The following SGCZ variants were observed in gnomAD, a reference collection of about 807,000 sequenced individuals.
The protein encoded by SGCZ is sarcoglycan zeta, also known as zeta-sarcoglycan.
In SGCZ, 40 loss-of-function variants were observed where a neutral mutation model predicts 41.3. That is an observed-to-expected ratio of 0.97 (90% confidence interval 0.75 to 1.26). The LOEUF (loss-of-function observed/expected upper bound fraction) is 1.26. Among genes scored for constraint, SGCZ ranks in the 50% most tolerant of loss-of-function variants. The probability of loss-of-function intolerance (pLI) is 0.00; values close to 1 mark genes in which losing one functional copy is unlikely to be tolerated. For missense variants in SGCZ, 552 were observed against 369.8 expected (o/e 1.49, Z -4.04); for synonymous variants, 206 against 137.5 (o/e 1.50, Z -3.49).
intron 2 of SGCZ, among the ~76,000 whole-genome samples, chr8:14,335,182 T>C (rs906628599): frequency 6.6e-6 from 1 of 152,130 alleles, no homozygotes; most frequent in Non-Finnish European, 1.5e-5. Context: ...TGTGCTTTAT[T>C]GAGTTTATAA....
chr8:14,603,402 G>T (rs1805654166), intron 1 of SGCZ, among the ~76,000 whole-genome samples: 1 of 151,784 alleles, frequency 6.6e-6, no homozygotes, highest in Non-Finnish European at 1.5e-5. Flanking sequence ...GCTAGGATAT[G>T]GTTGTTATCT....
intron 1 of SGCZ, among the ~76,000 whole-genome samples, chr8:14,867,248 C>T (rs890135278): frequency 2.6e-5 from 4 of 152,178 alleles, no homozygotes; most frequent in East Asian, 1.9e-4. Context: ...ATAATGGTCT[C>T]GATCTCCATC....
At chr8:14,111,470 A>G (rs1802370104) in intron 5 of SGCZ, among the ~76,000 whole-genome samples, 1 of 152,206 alleles carries the variant, frequency 6.6e-6, no homozygotes, top group Non-Finnish European at 1.5e-5. Context: ...AGACATAAAA[A>G]GGACAAAAGG....
chr8:15,050,935 A>G (rs1804488913), intron 1 of SGCZ, among the ~76,000 whole-genome samples: 1 of 152,208 alleles, frequency 6.6e-6, no homozygotes, highest in Non-Finnish European at 1.5e-5. Flanking sequence ...TATATGGGAA[A>G]TACTTGCCTC....
rs914572473 is a variant in SGCZ at position 15,231,610 on chromosome 8, C to CTT, written c.39+5973_39+5974dup. 1.5e-3 allele frequency among the ~76,000 whole-genome samples: 111 copies of CTT among 72,116 alleles called. 8 individuals are homozygous for CTT. Among genetic ancestry groups the CTT allele is most frequent in the African/African-American group, 2.8e-3 (52 of 18,580 alleles). 47.3% of individuals were successfully genotyped at this position (72,116 alleles called of 152,430 possible). On this transcript the variant is annotated intron_variant, in intron 1 of 7. Transcript: ENST00000382080. Reference sequence around the variant, plus strand: ...TAAAAACTTTGGATGTTAATATATTCTTTTTTTTTTTTTTTTTTTTTTTTT... The same window carrying CTT: ...TAAAAACTTTGGATGTTAATATATTCTTTTTTTTTTTTTTTTTTTTTTTTTTT...
At chr8:14,704,999 A>G (rs1431955984) in intron 1 of SGCZ, among the ~76,000 whole-genome samples, 3 of 152,024 alleles carry the variant, frequency 2.0e-5, no homozygotes, top group East Asian at 3.9e-4. Context: ...ATTGACATTT[A>G]TTAGAAAATA....
chr8:14,233,462 G>T (rs1009808399), intron 4 of SGCZ, among the ~76,000 whole-genome samples: 79 of 150,778 alleles, frequency 5.2e-4, no homozygotes, highest in Non-Finnish European at 1.0e-4. Context: ...GATATTGTGG[G>T]AAACAGTATT....
At chr8:14,526,185 T>G (rs1802943496) in intron 2 of SGCZ, among the ~76,000 whole-genome samples, 1 of 152,158 alleles carries the variant, frequency 6.6e-6, no homozygotes, top group South Asian at 2.1e-4. Flanking sequence ...TAATTTCTCA[T>G]GCCTGAAGCC....
chr8:14,619,794 CA>C (rs1806224147), intron 1 of SGCZ, among the ~76,000 whole-genome samples: 1 of 152,064 alleles, frequency 6.6e-6, no homozygotes, highest in South Asian at 2.1e-4. Context: ...TAAAAGAGGA[CA>C]CAAACAAATG....
intron 1 of SGCZ, among the ~76,000 whole-genome samples, chr8:15,193,912 A>ACTACATCT (rs1410697444): frequency 1.3e-5 from 2 of 152,224 alleles, no homozygotes; most frequent in African/African-American, 4.8e-5. Flanking sequence ...CCTTCAAATC[A>ACTACATCT]CTACATCTCA....
Position 14,089,480 on chromosome 8 carries a change from G to A in SGCZ, c.*963C>T, listed in dbSNP as rs1333307685. 6.6e-6 allele frequency among the ~76,000 whole-genome samples: 1 copy of A among 151,978 alleles called. No individual in the cohort carries two copies. Among genetic ancestry groups the A allele is most frequent in the South Asian group, 2.1e-4 (1 of 4,820 alleles). The stretch of plus-strand genomic sequence containing the variant: ...TCATATTAGTATTATTTATTTAGAA[G>A]ATGTTTGAATTTTAGCAGTCAGAAT... On this transcript the variant is annotated 3_prime_UTR_variant, in exon 8 of 8. Coordinates refer to ENST00000382080, the MANE Select transcript of SGCZ (RefSeq NM_139167.4).
At chr8:14,723,042 T>C (rs1406405847) in intron 1 of SGCZ, among the ~76,000 whole-genome samples, 3 of 152,210 alleles carry the variant, frequency 2.0e-5, no homozygotes, top group Non-Finnish European at 2.9e-5. Context: ...TTTGTTTCTA[T>C]TGTTTATGTC....
intron 1 of SGCZ, among the ~76,000 whole-genome samples, chr8:14,795,530 C>A (rs956606868): frequency 6.6e-6 from 1 of 152,082 alleles, no homozygotes; most frequent in Admixed American, 6.5e-5. Context: ...GCAGCCTCCA[C>A]CTCCTAGACA....
intron 1 of SGCZ, among the ~76,000 whole-genome samples, chr8:15,154,016 G>C (rs545466903): frequency 6.6e-6 from 1 of 152,158 alleles, no homozygotes; most frequent in African/African-American, 2.4e-5. Flanking sequence ...GTTCACGATA[G>C]AGTTTGTGCT....
chr8:14,801,998 T>C (rs1801335480), intron 1 of SGCZ, among the ~76,000 whole-genome samples: 1 of 152,170 alleles, frequency 6.6e-6, no homozygotes, highest in African/African-American at 2.4e-5. Flanking sequence ...GCAGGAGCAC[T>C]TTTAAAATAT....
intron 3 of SGCZ, among the ~76,000 whole-genome samples, chr8:14,261,771 A>G (rs1015291949): frequency 6.6e-6 from 1 of 152,188 alleles, no homozygotes; most frequent in South Asian, 2.1e-4. Context: ...TAAATACCCA[A>G]TAAATTATTC....
chr8:14,980,855 C>A (rs1403708410), intron 1 of SGCZ, among the ~76,000 whole-genome samples: 1 of 151,990 alleles, frequency 6.6e-6, no homozygotes, highest in African/African-American at 2.4e-5. Flanking sequence ...ATCTGTCTCT[C>A]TATCTATCTT....
chr8:14,697,555 T>C (rs187484933), intron 1 of SGCZ, among the ~76,000 whole-genome samples: 25 of 152,208 alleles, frequency 1.6e-4, no homozygotes, highest in Admixed American at 7.2e-4. Flanking sequence ...TTATCGGTTC[T>C]TTTGTGAATT....
chr8:14,692,744 C>T (rs1422862372), intron 1 of SGCZ, among the ~76,000 whole-genome samples: 1 of 152,128 alleles, frequency 6.6e-6, no homozygotes, highest in Non-Finnish European at 1.5e-5. Flanking sequence ...CTATCTTAGA[C>T]AAAATCACCT....
Sources: allele counts gnomAD v4.1 joint callset (sites outside exome capture counted in the v4.1 genomes callset), GRCh38; gene constraint gnomAD v4.1.1; transcripts MANE v1.5; gene names NCBI Gene and HGNC (gene_info 2026-07-23, HGNC 2026-07-21).